NIBAN1: variants seen among roughly 807,000 people sequenced by gnomAD.
NIBAN1 encodes the protein niban apoptosis regulator 1.
A neutral mutation model predicts 75.1 loss-of-function variants in NIBAN1; 81 were observed. That is an observed-to-expected ratio of 1.08 (90% CI 0.90 to 1.30). The LOEUF is 1.30. NIBAN1 is among the 50% of genes most tolerant of loss of function. The pLI is 0.00. For missense variants in NIBAN1, 1,133 were observed against 1,128.1 expected, an observed-to-expected ratio of 1.00 and a Z score of -0.06; for synonymous variants, 436 against 424.8, an observed-to-expected ratio of 1.03 and a Z score of -0.32.
chr1:184,893,884 A>G (rs924094906), intron 3 of NIBAN1, among the ~76,000 whole-genome samples, 191 bp downstream of exon 3: 1 of 152,188 alleles, frequency 6.6e-6, no homozygotes, highest in African/African-American at 2.4e-5. Flanking sequence ...TAGGCATTCA[A>G]TCAGTATCTG....
At chr1:184,847,023 G>A (rs1423795475) in intron 5 of NIBAN1, among the ~76,000 whole-genome samples, 1 of 86,708 alleles carries the variant, frequency 1.2e-5, no homozygotes, top group Admixed American at 1.2e-4. Flanking sequence ...GTGATGTGGA[G>A]AATGGAACCA....
At chr1:184,799,046 T>G (rs970408100) in intron 12 of NIBAN1, among the ~76,000 whole-genome samples, 5 of 152,110 alleles carry the variant, frequency 3.3e-5, no homozygotes, top group African/African-American at 1.2e-4. Context: ...TATTTTATTT[T>G]TTATTATTAT....
chr1:184,806,085 A>C, intron 10 of NIBAN1, 29 bp from the exon 11 acceptor site: 1 of 1,588,898 alleles, frequency 6.3e-7, no homozygotes, highest in Admixed American at 1.7e-5. Context: ...ACAGAAACAG[A>C]CAACAGTCAG....
Position 184,791,958 on chromosome 1 carries a change from ACTTTT to A in NIBAN1, c.*3014_*3018del, listed in dbSNP as rs1041438519. 1 of 54,668 alleles carries A rather than the reference ACTTTT, an allele frequency of 1.8e-5. No individual in the cohort carries two copies. Among genetic ancestry groups the A allele is most frequent in the African/African-American group, 1.1e-4 (1 of 8,724 alleles). 3.4% of individuals were successfully genotyped at this position (54,668 alleles called of 1,614,324 possible). A position where few individuals can be genotyped will look rare whatever the true frequency, so the allele number is the denominator to read the frequency against. On this transcript the variant is annotated 3_prime_UTR_variant, in exon 14 of 14. Coordinates refer to ENST00000367511, the MANE Select transcript of NIBAN1 (RefSeq NM_052966.4). ...ACAATCATCCTGCTTATTCTAGAAAACTTTTTTTTTTTTTTTGAGACAGGGTCTCA... is the reference window on the plus strand; with the variant it reads ...ACAATCATCCTGCTTATTCTAGAAAATTTTTTTTTTTGAGACAGGGTCTCA...
chr1:184,817,026 T>C (rs2102213001), intron 9 of NIBAN1, among the ~76,000 whole-genome samples: 1 of 152,254 alleles, frequency 6.6e-6, no homozygotes, highest in South Asian at 2.1e-4. Flanking sequence ...TCCCTCCACC[T>C]GCCCCTCACC....
intron 5 of NIBAN1, among the ~76,000 whole-genome samples, chr1:184,866,818 G>T (rs1655969813): frequency 6.6e-6 from 1 of 152,124 alleles, no homozygotes; most frequent in Admixed American, 6.6e-5. Flanking sequence ...AATCATAAAT[G>T]TCAATCAGCC....
intron 1 of NIBAN1, among the ~76,000 whole-genome samples, chr1:184,958,739 G>T (rs572268913): frequency 6.6e-6 from 1 of 152,166 alleles, no homozygotes; most frequent in Non-Finnish European, 1.5e-5. Context: ...CACTTGACAT[G>T]CTCAGGTCTT....
At chr1:184,868,866 C>T (rs919721322) in intron 5 of NIBAN1, among the ~76,000 whole-genome samples, 7 of 152,150 alleles carry the variant, frequency 4.6e-5, no homozygotes, top group African/African-American at 1.7e-4. Context: ...GCTTTAAAAT[C>T]TTGTCCTGAT....
chr1:184,803,465 A>G (rs1654101740), intron 12 of NIBAN1, 120 bp downstream of exon 12: 1 of 726,512 alleles, frequency 1.4e-6, no homozygotes, highest in Non-Finnish European at 2.4e-6. Flanking sequence ...ACCATTTACA[A>G]AAATGTCTGC....
chr1:184,900,923 T>C (rs1392621511), intron 1 of NIBAN1, among the ~76,000 whole-genome samples: 6 of 152,256 alleles, frequency 3.9e-5, no homozygotes, highest in African/African-American at 1.2e-4. Flanking sequence ...TAAAATTTGA[T>C]ATTATAGTCA....
chr1:184,890,084 G>T, intron 4 of NIBAN1, 24 bp downstream of exon 4: 1 of 1,559,228 alleles, frequency 6.4e-7, no homozygotes, highest in Non-Finnish European at 8.8e-7. Context: ...ATTTTGCCTT[G>T]GAAAAGAATG....
At chr1:184,919,570 A>G (rs990190633) in intron 1 of NIBAN1, among the ~76,000 whole-genome samples, 1 of 152,146 alleles carries the variant, frequency 6.6e-6, no homozygotes, top group Non-Finnish European at 1.5e-5. Flanking sequence ...AACACACTCA[A>G]ATTTGCTTTG....
intron 10 of NIBAN1, 64 bp from the exon 11 acceptor site, chr1:184,806,120 C>G (rs1159234606): frequency 7.3e-7 from 1 of 1,370,448 alleles, no homozygotes; most frequent in East Asian, 2.3e-5. Context: ...ACCCACAGGC[C>G]TGGCTAAGTG....
At chr1:184,859,793 C>T (rs1432409303) in intron 5 of NIBAN1, among the ~76,000 whole-genome samples, 2 of 151,972 alleles carry the variant, frequency 1.3e-5, no homozygotes, top group Admixed American at 1.3e-4. Flanking sequence ...GGTGGCTACC[C>T]AGTAGATATT....
At chr1:184,867,897 T>C (rs1318241468) in intron 5 of NIBAN1, 2 of 985,350 alleles carry the variant, frequency 2.0e-6, no homozygotes, top group Non-Finnish European at 2.4e-6. Flanking sequence ...AGCTTTTGTC[T>C]ACCCCGTCAC....
At chr1:184,946,765 G>C (rs114742450) in intron 1 of NIBAN1, among the ~76,000 whole-genome samples, 2,242 of 152,236 alleles carry the variant, frequency 0.015, 49 homozygotes, top group African/African-American at 0.049. Context: ...AAGAAATCTG[G>C]AACAACAGGA....
At chr1:184,857,594 G>A (rs913563245) in intron 5 of NIBAN1, among the ~76,000 whole-genome samples, 6 of 152,116 alleles carry the variant, frequency 3.9e-5, no homozygotes, top group African/African-American at 1.4e-4. Context: ...TTATACGACT[G>A]AATTGTAAGT....
chr1:184,841,784 C>T (rs1207318218), intron 5 of NIBAN1, among the ~76,000 whole-genome samples: 2 of 152,170 alleles, frequency 1.3e-5, no homozygotes, highest in African/African-American at 4.8e-5. Flanking sequence ...GGAAGTACTC[C>T]ATCTGGGCTG....
intron 5 of NIBAN1, among the ~76,000 whole-genome samples, chr1:184,866,885 C>T (rs1655971314): frequency 6.6e-6 from 1 of 152,268 alleles, no homozygotes; most frequent in African/African-American, 2.4e-5. Flanking sequence ...AAGCTTTTGG[C>T]TTGCAAGGTA....
Sources: gnomAD v4.1 joint callset for allele counts (sites outside exome capture counted in the v4.1 genomes callset) on GRCh38, gnomAD v4.1.1 for gene constraint, MANE v1.5 for transcripts, NCBI Gene and HGNC (gene_info 2026-07-23, HGNC 2026-07-21) for gene names.